The following CUX2 variants were observed in gnomAD, a reference collection of about 807,000 sequenced individuals.
The protein encoded by CUX2 is homeobox protein cut-like 2.
Under a neutral mutation model 144.8 loss-of-function variants are expected in CUX2, and 40 were observed. The observed-to-expected ratio is 0.28, with a 90% confidence interval of 0.21 to 0.36. CUX2 has a LOEUF of 0.36. Ranked by LOEUF, CUX2 falls within the 10% of genes least tolerant of loss-of-function variation. The pLI, the probability that CUX2 is intolerant of heterozygous loss-of-function variation, is 1.00. For missense variants in CUX2, 1,615 were observed against 1,994.0 expected, an observed-to-expected ratio of 0.81 and a Z score of 3.62; for synonymous variants, 827 against 875.6, an observed-to-expected ratio of 0.94 and a Z score of 0.98.
chr12:111,294,888 A>T (rs565458103), intron 6 of CUX2, among the ~76,000 whole-genome samples: 93 of 151,720 alleles, frequency 6.1e-4, no homozygotes, highest in Non-Finnish European at 7.4e-5. Context: ...ACAGAGCGAG[A>T]CTCCATCTCA....
intron 1 of CUX2, among the ~76,000 whole-genome samples, chr12:111,148,831 T>TA (rs1028759025): frequency 4.6e-5 from 7 of 152,082 alleles, no homozygotes; most frequent in Non-Finnish European, 1.0e-4. Flanking sequence ...ACCCCTTCTC[T>TA]AAAAAAATTT....
At chr12:111,282,567 A>C (rs938876822) in intron 4 of CUX2, among the ~76,000 whole-genome samples, 2 of 149,894 alleles carry the variant, frequency 1.3e-5, no homozygotes, top group Non-Finnish European at 3.0e-5. Flanking sequence ...CGTAGGTTGC[A>C]GTGAGCTGAG....
At chr12:111,104,086 G>A (rs1873438388) in intron 1 of CUX2, among the ~76,000 whole-genome samples, 1 of 152,170 alleles carries the variant, frequency 6.6e-6, no homozygotes. Flanking sequence ...AAGCGCCACG[G>A]CTACTACTAA....
At chr12:111,237,468 G>C (rs1016065712) in intron 3 of CUX2, among the ~76,000 whole-genome samples, 3 of 152,132 alleles carry the variant, frequency 2.0e-5, no homozygotes, top group African/African-American at 7.2e-5. Context: ...TCCCCACCTT[G>C]CCTTCACAAC....
intron 1 of CUX2, among the ~76,000 whole-genome samples, chr12:111,147,901 C>T (rs970366163): frequency 6.6e-6 from 1 of 152,220 alleles, no homozygotes; most frequent in African/African-American, 2.4e-5. Flanking sequence ...AAGGAGGTTT[C>T]CCACCCAGGC....
chr12:111,320,364 C>T lies in CUX2; in HGVS notation c.2355C>T (p.Phe785=). Residue 785 remains phenylalanine (F), a synonymous_variant, in exon 17 of 22, where the codon TTC becomes TTT. Coordinates refer to ENST00000261726, the MANE Select transcript of CUX2 (RefSeq NM_015267.4). This position sits in a 1 kb window ranked among gnomAD's most constrained non-coding sequence, Gnocchi z 8.1. ...CCGAGATCGGCGACGCCGGCTACTT[C>T]GACCACCACTGGGCCTCCGACCGCG... is the stretch of plus-strand genomic sequence containing the variant. ...VKSEIGDAGY[F]DHHWASDRGL... The T allele has an allele frequency of 1.3e-6, 2 of 1,598,106 alleles. No homozygotes were observed. Among genetic ancestry groups the T allele is most frequent in the Non-Finnish European group, 1.7e-6 (2 of 1,179,156 alleles).
intron 1 of CUX2, among the ~76,000 whole-genome samples, chr12:111,211,814 G>A (rs1450637938): frequency 6.6e-6 from 1 of 151,810 alleles, no homozygotes; most frequent in African/African-American, 2.4e-5. Context: ...GTGAACCTGG[G>A]AGGCGGAGCT....
At chr12:111,095,173 G>A (rs891664913) in intron 1 of CUX2, among the ~76,000 whole-genome samples, 2 of 152,208 alleles carry the variant, frequency 1.3e-5, no homozygotes, top group African/African-American at 4.8e-5. Flanking sequence ...AAGAGCATGA[G>A]GGTGGCCAGG....
rs1404312313 is a variant in CUX2, at chr12:111,246,853, C to T, written c.223-16908C>T. Among the ~76,000 whole-genome samples the T allele has an allele frequency of 2.6e-5, 4 of 152,140 alleles. No individual in the cohort carries two copies. Among genetic ancestry groups the T allele is most frequent in the Admixed American group, 1.3e-4 (2 of 15,280 alleles). ...CTGTGCCCTGCAGGGTACATGACTCCGTCCTTGACTGTCCCTCCTCAAAGC... is the reference window on the plus strand; with the variant it reads ...CTGTGCCCTGCAGGGTACATGACTCTGTCCTTGACTGTCCCTCCTCAAAGC... On this transcript the variant is annotated intron_variant, in intron 3 of 21. Transcript: ENST00000261726. The surrounding 1 kb of genome is among the most constrained non-coding windows in gnomAD (Gnocchi z 4.0).
At position 111,227,522 on chromosome 12, in the gene CUX2, C is replaced by T. The variant is rs77981271; in HGVS notation, c.222+9585C>T. Among the ~76,000 whole-genome samples, 706 of 152,292 alleles carry T rather than the reference C, an allele frequency of 4.6e-3. 4 individuals carry two copies. The highest frequency in any genetic ancestry group is 0.016 in the African/African-American group (682 of 41,542). The stretch of plus-strand genomic sequence containing the variant: ...TGCTACCAGCTGAGCTCTGGACACT[C>T]TCTCTGTTCTCTCCAAAACCTAAGG... On this transcript the variant is annotated intron_variant, in intron 3 of 21. Coordinates refer to ENST00000261726, the MANE Select transcript of CUX2 (RefSeq NM_015267.4).
At chr12:111,076,796 G>A (rs1270095114) in intron 1 of CUX2, among the ~76,000 whole-genome samples, 1 of 152,110 alleles carries the variant, frequency 6.6e-6, no homozygotes, top group African/African-American at 2.4e-5. Flanking sequence ...TTGCTGCATT[G>A]GATTTCTTGC....
chr12:111,173,329 C>CTG (rs149277961), intron 1 of CUX2, among the ~76,000 whole-genome samples: 95 of 152,340 alleles, frequency 6.2e-4, no homozygotes, highest in Non-Finnish European at 1.0e-3. Flanking sequence ...CAGGGTTGAT[C>CTG]TGTGGGCTGG....
chr12:111,300,435 C>A (rs978701966), intron 9 of CUX2, among the ~76,000 whole-genome samples: 3 of 152,132 alleles, frequency 2.0e-5, no homozygotes, highest in African/African-American at 7.2e-5. Context: ...CTTTTAAAAA[C>A]AAAATGATAA....
intron 1 of CUX2, among the ~76,000 whole-genome samples, chr12:111,175,429 T>C (rs1878788914): frequency 6.6e-6 from 1 of 150,512 alleles, no homozygotes; most frequent in Admixed American, 6.7e-5. Context: ...CACATATTTA[T>C]GGGCAGAAAC....
At chr12:111,091,659 A>C (rs937828718) in intron 1 of CUX2, among the ~76,000 whole-genome samples, 4 of 152,174 alleles carry the variant, frequency 2.6e-5, no homozygotes, top group Admixed American at 6.5e-5. Context: ...AAGGGGACTT[A>C]AAATAGTAGA....
chr12:111,226,673 G>A (rs947925840), intron 3 of CUX2, among the ~76,000 whole-genome samples: 3 of 151,860 alleles, frequency 2.0e-5, no homozygotes, highest in Middle Eastern at 3.2e-3. Context: ...TAGAATTCTC[G>A]CGCTTTATTT....
intron 3 of CUX2, among the ~76,000 whole-genome samples, chr12:111,230,550 C>G (rs1203064311): frequency 6.6e-6 from 1 of 152,206 alleles, no homozygotes; most frequent in East Asian, 1.9e-4. Flanking sequence ...GCTTCCGACC[C>G]TGGCTGCCCA....
In CUX2 at chr12:111,304,034, C is replaced by T. The variant is rs1271331543; in HGVS notation, c.754-176C>T. On this transcript the variant is annotated intron_variant, in intron 9 of 21. Coordinates refer to ENST00000261726, the MANE Select transcript of CUX2 (RefSeq NM_015267.4). The surrounding 1 kb of genome is among the most constrained non-coding windows in gnomAD (Gnocchi z 4.7). ...GAGGCTGCTATTTCTTGTCCCCAGCCCAGACAGGGCTCTGTGACTGGTCTT... is the reference window on the plus strand; with the variant it reads ...GAGGCTGCTATTTCTTGTCCCCAGCTCAGACAGGGCTCTGTGACTGGTCTT... The T allele has an allele frequency of 1.7e-6, 1 of 573,342 alleles. No homozygotes were observed. The highest frequency in any genetic ancestry group is 3.1e-6 in the Non-Finnish European group (1 of 320,174). The allele number at this position is 573,342 out of a possible 1,614,324, so 35.5% of individuals were successfully genotyped here.
chr12:111,251,913 C>T (rs1171892523), intron 3 of CUX2, among the ~76,000 whole-genome samples: 16 of 152,152 alleles, frequency 1.1e-4, no homozygotes, highest in Admixed American at 1.0e-3. Context: ...GATTACAAGG[C>T]TCACACGTGT....
Sources: allele counts gnomAD v4.1 joint callset (sites outside exome capture counted in the v4.1 genomes callset), GRCh38; gene constraint gnomAD v4.1.1; non-coding constraint Gnocchi (gnomAD v3.1); transcripts MANE v1.5; gene names NCBI Gene and HGNC (gene_info 2026-07-23, HGNC 2026-07-21).